Variants in MAP4K4 observed in about 807,000 individuals in gnomAD.
MAP4K4 encodes the protein HPK/GCK-like kinase HGK.
MAP4K4 carries 38 observed loss-of-function variants against 189.6 expected under a neutral mutation model. The ratio of observed to expected loss-of-function variants is 0.20; its 90% CI spans 0.15 to 0.26. The LOEUF (loss-of-function observed/expected upper bound fraction) is 0.26, where lower values mean the gene tolerates loss of function less well. Among genes scored for constraint, MAP4K4 ranks in the 10% least tolerant of loss-of-function variants. The probability of loss-of-function intolerance (pLI) is 1.00; values close to 1 mark genes in which losing one functional copy is unlikely to be tolerated. For synonymous variants in MAP4K4, 610 were observed against 624.3 expected (o/e 0.98, Z 0.34); for missense variants, 1,054 against 1,726.9 (o/e 0.61, Z 6.91).
chr2:101,831,692 C>A (rs765966292), intron 6 of MAP4K4, 29 bp from the exon 7 acceptor site: 28 of 1,570,904 alleles, frequency 1.8e-5, no homozygotes, highest in Non-Finnish European at 5.2e-6. Flanking sequence ...GTTTATCTTT[C>A]TTTATCTGCC....
intron 2 of MAP4K4, among the ~76,000 whole-genome samples, chr2:101,754,691 CAGAGTTAATTCA>C (rs2071345491): frequency 6.6e-6 from 1 of 152,276 alleles, no homozygotes; most frequent in African/African-American, 2.4e-5. Flanking sequence ...TTTCATCAAG[CAGAGTTAATTCA>C]AACACAGCCT....
At chr2:101,810,732 T>C (rs941003989) in intron 3 of MAP4K4, among the ~76,000 whole-genome samples, 3 of 152,230 alleles carry the variant, frequency 2.0e-5, no homozygotes, top group African/African-American at 7.2e-5. Context: ...TTTTAAAAGT[T>C]CTAAGACTTA....
rs1170781117 is a variant in MAP4K4 at position 101,816,940 on chromosome 2, T to G, written c.181-6988T>G. On this transcript the variant is annotated intron_variant, in intron 3 of 32. Coordinates refer to ENST00000324219, the Ensembl canonical transcript of MAP4K4. The stretch of plus-strand genomic sequence containing the variant: ...CCAAGGACAGAGGAGATGGACTGTG[T>G]GAGTTGCCGGAAAGCTCATTTTGAA... 2.6e-5 allele frequency among the ~76,000 whole-genome samples: 4 copies of G among 151,326 alleles called. No homozygotes were observed. The South Asian group carries it at 8.4e-4, about 32-fold the overall frequency.
At chr2:101,864,129 T>G in intron 17 of MAP4K4, 78 bp downstream of exon 17, 2 of 826,970 alleles carry the variant, frequency 2.4e-6, no homozygotes, top group Non-Finnish European at 3.3e-6. Flanking sequence ...ATTTTAATTA[T>G]GGGTATGCAA....
chr2:101,850,902 A>T (rs1471666243), intron 12 of MAP4K4, among the ~76,000 whole-genome samples: 4 of 152,084 alleles, frequency 2.6e-5, no homozygotes, highest in Non-Finnish European at 5.9e-5. Context: ...TACAAATAAA[A>T]AAACTCAGGG....
At chr2:101,775,031 CCT>C (rs1368386861) in intron 2 of MAP4K4, among the ~76,000 whole-genome samples, 4 of 149,114 alleles carry the variant, frequency 2.7e-5, no homozygotes, top group African/African-American at 7.6e-5. Context: ...TTTCCTATCC[CCT>C]CTTTTTTTTT....
At position 101,867,940 on chromosome 2, in the gene MAP4K4, C is replaced by T. The variant is rs971389092; in HGVS notation, c.2455-89C>T. 2.0e-5 allele frequency: 26 copies of T among 1,269,496 alleles called. No individual in the cohort carries two copies. The Admixed American group carries it at 4.8e-4, about 23-fold the overall frequency. The allele number at this position is 1,269,496 out of a possible 1,614,324, so 78.6% of individuals were successfully genotyped here. On this transcript the variant is annotated intron_variant, in intron 20 of 32. Transcript: ENST00000324219. The stretch of plus-strand genomic sequence containing the variant: ...TGAACTGATTTCTGTACTTCTCCCT[C>T]TCCCCTTCTTTCTCCCGCGCTTCCT...
intron 2 of MAP4K4, among the ~76,000 whole-genome samples, chr2:101,705,989 TTAAA>T (rs1324747966): frequency 2.6e-5 from 4 of 152,186 alleles, no homozygotes; most frequent in Non-Finnish European, 5.9e-5. Context: ...CCTATTAAAT[TTAAA>T]TAAATGAAAG....
chr2:101,789,369 C>G (rs1445228803), intron 2 of MAP4K4, among the ~76,000 whole-genome samples: 2 of 152,152 alleles, frequency 1.3e-5, no homozygotes, highest in Non-Finnish European at 2.9e-5. Context: ...CAGGGTTGTG[C>G]TTGACCACTG....
chr2:101,728,440 T>A (rs2056714892), intron 2 of MAP4K4, among the ~76,000 whole-genome samples: 3 of 152,352 alleles, frequency 2.0e-5, no homozygotes, highest in South Asian at 4.1e-4. Context: ...AACATTTTAT[T>A]ATGAAAAATT....
intron 7 of MAP4K4, among the ~76,000 whole-genome samples, chr2:101,833,499 A>T (rs987608414): frequency 1.3e-5 from 2 of 152,126 alleles, no homozygotes; most frequent in African/African-American, 4.8e-5. Flanking sequence ...GGGCGCCTGT[A>T]GTCCCAGCTA....
chr2:101,762,070 G>T (rs76409764), intron 2 of MAP4K4, among the ~76,000 whole-genome samples: 1 of 152,118 alleles, frequency 6.6e-6, no homozygotes, highest in Non-Finnish European at 1.5e-5. Flanking sequence ...AAATAGAACC[G>T]GGAGTCTATT....
At chr2:101,808,544 A>ACCCCCC (rs748352629) in intron 3 of MAP4K4, among the ~76,000 whole-genome samples, 1 of 132,808 alleles carries the variant, frequency 7.5e-6, no homozygotes, top group African/African-American at 2.9e-5. Flanking sequence ...CACCACCCTC[A>ACCCCCC]CCCCCCCCCA....
intron 2 of MAP4K4, among the ~76,000 whole-genome samples, chr2:101,782,026 G>A (rs557511663): frequency 6.6e-6 from 1 of 152,150 alleles, no homozygotes; most frequent in South Asian, 2.1e-4. Context: ...ATTCCCGGAG[G>A]CTATCCCTTA....
chr2:101,761,426 T>C (rs536169203), intron 2 of MAP4K4, among the ~76,000 whole-genome samples: 39 of 152,290 alleles, frequency 2.6e-4, no homozygotes, highest in African/African-American at 9.4e-4. Flanking sequence ...TACATCAGTT[T>C]GGTGTGTTTT....
At chr2:101,825,380 A>G (rs2096301586) in exon 5 of MAP4K4, 1 of 1,613,720 alleles carries the variant, frequency 6.2e-7, no homozygotes, top group Non-Finnish European at 8.5e-7. Flanking sequence ...ACCAAAGGGA[A>G]CACACTCAAA....
chr2:101,813,594 T>TCTTGTATGAA (rs1446321677), intron 3 of MAP4K4, among the ~76,000 whole-genome samples: 1 of 152,242 alleles, frequency 6.6e-6, no homozygotes, highest in Non-Finnish European at 1.5e-5. Context: ...TTTATCATTA[T>TCTTGTATGAA]CTTGTATGAA....
intron 2 of MAP4K4, among the ~76,000 whole-genome samples, chr2:101,765,365 T>C (rs939101433): frequency 6.6e-6 from 1 of 152,210 alleles, no homozygotes; most frequent in Non-Finnish European, 1.5e-5. Context: ...GTTTGTGTGT[T>C]TGTTTTGAGC....
At chr2:101,801,511 T>C (rs1347567752) in intron 3 of MAP4K4, among the ~76,000 whole-genome samples, 1 of 152,208 alleles carries the variant, frequency 6.6e-6, no homozygotes, top group African/African-American at 2.4e-5. Context: ...TATTTGGAGA[T>C]GGCAGTACAA....
Sources: allele counts gnomAD v4.1 joint callset (sites outside exome capture counted in the v4.1 genomes callset), GRCh38; gene constraint gnomAD v4.1.1; transcripts MANE v1.5; gene names NCBI Gene and HGNC (gene_info 2026-07-23, HGNC 2026-07-21).